The following GRIN2A variants were observed in gnomAD, a reference collection of about 807,000 sequenced individuals.
GRIN2A encodes the protein glutamate receptor ionotropic, NMDA 2A.
Under a neutral mutation model 113.4 loss-of-function variants are expected in GRIN2A, and 22 were observed. That is an observed-to-expected ratio of 0.19 (90% CI 0.14 to 0.28). GRIN2A has a LOEUF of 0.28. Among genes scored for constraint, GRIN2A ranks in the 10% least tolerant of loss-of-function variants. The pLI is 1.00. For synonymous variants in GRIN2A, 827 were observed against 738.4 expected (o/e 1.12, Z -1.94); for missense variants, 1,502 against 1,887.0 (o/e 0.80, Z 3.78).
intron 4 of GRIN2A, among the ~76,000 whole-genome samples, chr16:9,867,534 T>C (rs2043180733): frequency 6.6e-6 from 1 of 152,196 alleles, no homozygotes; most frequent in South Asian, 2.1e-4. Flanking sequence ...GCCCTTGGGC[T>C]CTAGATACAT....
At chr16:9,998,376 C>A (rs2046262848) in intron 2 of GRIN2A, among the ~76,000 whole-genome samples, 1 of 152,094 alleles carries the variant, frequency 6.6e-6, no homozygotes, top group African/African-American at 2.4e-5. Flanking sequence ...TTATTGGTTG[C>A]CAGGGAGCTG....
intron 2 of GRIN2A, among the ~76,000 whole-genome samples, chr16:10,103,554 A>G (rs1215023715): frequency 6.6e-6 from 1 of 152,210 alleles, no homozygotes; most frequent in Non-Finnish European, 1.5e-5. Context: ...TTGGGGGTAC[A>G]GGGAGATATG....
intron 2 of GRIN2A, among the ~76,000 whole-genome samples, chr16:10,133,991 T>C (rs1312280319): frequency 3.3e-5 from 5 of 151,780 alleles, no homozygotes; most frequent in African/African-American, 1.2e-4. Flanking sequence ...GAGACCAACC[T>C]GGACAACGTG....
At position 9,941,631 on chromosome 16, in the gene GRIN2A, G is replaced by T. The variant is rs1055615338; in HGVS notation, c.415-3080C>A. 2.9e-4 allele frequency among the ~76,000 whole-genome samples: 44 copies of T among 152,146 alleles called. 1 individual carries two copies. The highest frequency in any genetic ancestry group is 5.7e-4 in the Non-Finnish European group (39 of 68,030). On this transcript the variant is annotated intron_variant, in intron 2 of 12. Coordinates refer to ENST00000330684, the MANE Select transcript of GRIN2A (RefSeq NM_001134407.3). ...GAGAATACTAGAACCTCTGGGGTTG[G>T]ACTACCCAGCTCCAATCCTCATTAT...
At chr16:9,984,454 C>A (rs147983741) in intron 2 of GRIN2A, among the ~76,000 whole-genome samples, 1 of 152,288 alleles carries the variant, frequency 6.6e-6, no homozygotes, top group East Asian at 1.9e-4. Context: ...GGAGTTTACC[C>A]TGTTTTCTTC....
intron 12 of GRIN2A, among the ~76,000 whole-genome samples, 154 bp from the exon 13 acceptor site, chr16:9,765,102 T>C (rs1900833921): frequency 6.6e-6 from 1 of 152,242 alleles, no homozygotes; most frequent in Admixed American, 6.5e-5. Context: ...ATAATGTCTC[T>C]TAAAGGTATG....
chr16:10,177,236 C>G (rs1288797720), intron 2 of GRIN2A, among the ~76,000 whole-genome samples: 1 of 152,222 alleles, frequency 6.6e-6, no homozygotes, highest in Non-Finnish European at 1.5e-5. Context: ...CTCAGACAAT[C>G]TCCTTTCTAA....
intron 11 of GRIN2A, among the ~76,000 whole-genome samples, chr16:9,769,451 CTTTTTTTT>C (rs34847596): frequency 1.9e-5 from 2 of 104,890 alleles, no homozygotes; most frequent in Non-Finnish European, 3.9e-5. Context: ...GGAGTTTTGT[CTTTTTTTT>C]TTTTTTTTTT....
chr16:9,977,011 C>T (rs575757715), intron 2 of GRIN2A, among the ~76,000 whole-genome samples: 14 of 152,262 alleles, frequency 9.2e-5, no homozygotes, highest in Admixed American at 7.2e-4. Context: ...GTTCTGATTC[C>T]GACAACAAAG....
rs200037904 is a variant in GRIN2A at position 9,764,779 on chromosome 16, G to A, written c.2765C>T (p.Ala922Val). Reference sequence around the variant, plus strand: ...GAGGGAACCTCTTTGGATGAAGTCAGCAGCTCTTTTGGGTGAGTCCATTCT... The same window carrying A: ...GAGGGAACCTCTTTGGATGAAGTCAACAGCTCTTTTGGGTGAGTCCATTCT... ...SSRMDSPKRA[A>V]DFIQRGSLIM... Residue 922 changes from alanine (A) to valine (V), a missense_variant, in exon 13 of 13, where the codon GCT becomes GTT. Ala to Val is a moderately conservative substitution (Grantham distance 64). This residue lies in a region of GRIN2A where 832 missense variants were observed against 789.7 expected (regional missense o/e 1.05). Transcript: ENST00000330684. The A allele has an allele frequency of 3.9e-5, 63 of 1,614,210 alleles. No homozygotes were observed. The Middle Eastern group carries it at 4.9e-4, about 13-fold the overall frequency.
At chr16:9,852,647 C>T (rs2042904659) in intron 4 of GRIN2A, among the ~76,000 whole-genome samples, 1 of 152,144 alleles carries the variant, frequency 6.6e-6, no homozygotes, top group Admixed American at 6.5e-5. Context: ...GTCAACACTG[C>T]CCTAGGTCCC....
Position 9,849,968 on chromosome 16 carries a change from C to G in GRIN2A, c.1123-7G>C, listed in dbSNP as rs369375358. On this transcript the variant is annotated splice_region_variant and splice_polypyrimidine_tract_variant and intron_variant, in intron 4 of 12. Coordinates refer to ENST00000330684, the MANE Select transcript of GRIN2A (RefSeq NM_001134407.3). The stretch of plus-strand genomic sequence containing the variant: ...GGTTCTCCCACTTGCCCACCTGCAG[C>G]ACAAACACAAAGACACAGCTGTGCT... 2 of 1,611,362 alleles carry G rather than the reference C, an allele frequency of 1.2e-6. No homozygotes were observed. The highest frequency in any genetic ancestry group is 1.7e-6 in the Non-Finnish European group (2 of 1,177,678).
chr16:9,793,312 T>C (rs1331062314), intron 11 of GRIN2A, among the ~76,000 whole-genome samples: 1 of 152,180 alleles, frequency 6.6e-6, no homozygotes, highest in African/African-American at 2.4e-5. Flanking sequence ...TTCTTCTCAG[T>C]ATCTTTTGTT....
At chr16:10,055,686 A>T (rs2047446732) in intron 2 of GRIN2A, among the ~76,000 whole-genome samples, 1 of 152,194 alleles carries the variant, frequency 6.6e-6, no homozygotes, top group Non-Finnish European at 1.5e-5. Context: ...TTTTAAATTC[A>T]ACTAAGCCCT....
chr16:9,925,628 A>G (rs1307565557), intron 3 of GRIN2A, among the ~76,000 whole-genome samples: 1 of 152,210 alleles, frequency 6.6e-6, no homozygotes, highest in Admixed American at 6.5e-5. Context: ...GGAGCCATAA[A>G]TAAAATGTGG....
intron 2 of GRIN2A, chr16:10,112,452 G>A (rs2048636338): frequency 2.5e-6 from 2 of 794,528 alleles, no homozygotes; most frequent in Non-Finnish European, 4.5e-6. Flanking sequence ...GCACTTTGGT[G>A]TGTCCATCAT....
At chr16:10,080,967 C>A (rs1041787669) in intron 2 of GRIN2A, among the ~76,000 whole-genome samples, 1 of 152,206 alleles carries the variant, frequency 6.6e-6, no homozygotes, top group African/African-American at 2.4e-5. Flanking sequence ...ACTCTGAGAT[C>A]TTGTACTGCA....
intron 2 of GRIN2A, among the ~76,000 whole-genome samples, chr16:10,086,274 C>A (rs763794938): frequency 6.6e-6 from 1 of 152,126 alleles, no homozygotes; most frequent in Non-Finnish European, 1.5e-5. Context: ...AGCTAGGGTG[C>A]CACAGTGACA....
chr16:9,812,575 T>A (rs532898029), intron 10 of GRIN2A, among the ~76,000 whole-genome samples: 1 of 151,868 alleles, frequency 6.6e-6, no homozygotes, highest in East Asian at 1.9e-4. Flanking sequence ...GAGATGGAGG[T>A]TGCACTGAGC....
Sources: allele counts gnomAD v4.1 joint callset (sites outside exome capture counted in the v4.1 genomes callset), GRCh38; gene constraint gnomAD v4.1.1; regional missense constraint gnomAD v4.1.1; transcripts MANE v1.5; gene names NCBI Gene and HGNC (gene_info 2026-07-23, HGNC 2026-07-21).